P4HA2: variants seen among roughly 807,000 people sequenced by gnomAD.
P4HA2 encodes prolyl 4-hydroxylase subunit alpha-2.
A neutral mutation model predicts 76.9 loss-of-function variants in P4HA2; 46 were observed. The ratio of observed to expected loss-of-function variants is 0.60; its 90% CI spans 0.47 to 0.76. The LOEUF (loss-of-function observed/expected upper bound fraction) is 0.76. Among genes scored for constraint, P4HA2 ranks in the 30% least tolerant of loss-of-function variants. The probability of loss-of-function intolerance (pLI) is 0.00; values close to 1 mark genes in which losing one functional copy is unlikely to be tolerated. For synonymous variants in P4HA2, 243 were observed against 254.0 expected (o/e 0.96, Z 0.41); for missense variants, 583 against 669.4 (o/e 0.87, Z 1.42).
At chr5:132,226,175 C>T (rs1233891708) in intron 1 of P4HA2, among the ~76,000 whole-genome samples, 6 of 152,128 alleles carry the variant, frequency 3.9e-5, no homozygotes, top group Non-Finnish European at 8.8e-5. Context: ...AATTATGGAA[C>T]CTAATGTCAG....
intron 2 of P4HA2, among the ~76,000 whole-genome samples, chr5:132,218,314 C>T (rs1400770802): frequency 1.3e-5 from 2 of 152,198 alleles, no homozygotes; most frequent in Non-Finnish European, 2.9e-5. Flanking sequence ...CCAAGTGCAG[C>T]CTGCACTTCC....
At chr5:132,211,014 G>A (rs1282575608) in intron 5 of P4HA2, among the ~76,000 whole-genome samples, 1 of 144,140 alleles carries the variant, frequency 6.9e-6, no homozygotes, top group Non-Finnish European at 1.6e-5. Flanking sequence ...CAGAGCTCCA[G>A]GGAGCACCTA....
chr5:132,203,388 C>T (rs552078806), intron 10 of P4HA2: 11 of 219,484 alleles, frequency 5.0e-5, no homozygotes, highest in African/African-American at 2.4e-4. Flanking sequence ...GATTATGACA[C>T]AGAACCATGG....
chr5:132,195,192 C>A, intron 13 of P4HA2, 170 bp from the exon 14 acceptor site: 1 of 638,864 alleles, frequency 1.6e-6, no homozygotes, highest in East Asian at 2.7e-5. Context: ...AAAGCACCTA[C>A]CTTTCTGAGG....
At chr5:132,194,843 G>T (rs1254408906) in intron 14 of P4HA2, 83 bp downstream of exon 14, 3 of 933,056 alleles carry the variant, frequency 3.2e-6, no homozygotes, top group Non-Finnish European at 5.3e-6. Flanking sequence ...GGCAGCAGTT[G>T]CCTCCCAGCT....
chr5:132,199,318 G>C (rs1379281987), intron 10 of P4HA2: 1 of 203,732 alleles, frequency 4.9e-6, no homozygotes. Flanking sequence ...AGAGGAAAGT[G>C]AGTAACAAAT....
chr5:132,192,943 C>A lies in P4HA2; in HGVS notation c.*67G>T. The A allele has an allele frequency of 1.0e-6, 1 of 993,862 alleles. No individual in the cohort carries two copies. The highest frequency in any genetic ancestry group is 1.6e-6 in the Non-Finnish European group (1 of 616,488). The allele number at this position is 993,862 out of a possible 1,614,324, so 61.6% of individuals were successfully genotyped here. Reference sequence around the variant, plus strand: ...AGCCTGATAGGAACATACAAAGGAACATACAAAGGTGTCTGTCACGTTGAC... The same window carrying A: ...AGCCTGATAGGAACATACAAAGGAAAATACAAAGGTGTCTGTCACGTTGAC... On this transcript the variant is annotated 3_prime_UTR_variant, in exon 15 of 15. Transcript: ENST00000360568.
At chr5:132,198,226 C>T (rs1750956497) in intron 12 of P4HA2, 95 bp downstream of exon 12, 1 of 1,614,220 alleles carries the variant, frequency 6.2e-7, no homozygotes, top group Non-Finnish European at 8.5e-7. Flanking sequence ...AAAGTAGCCA[C>T]ACGATTCCCC....
At chr5:132,220,067 G>A (rs1561496754) in intron 1 of P4HA2, among the ~76,000 whole-genome samples, 1 of 152,230 alleles carries the variant, frequency 6.6e-6, no homozygotes, top group Non-Finnish European at 1.5e-5. Flanking sequence ...CTGCTGCAGG[G>A]TAGGGCGTAT....
Position 132,213,932 on chromosome 5 carries a change from G to A in P4HA2, c.453C>T (p.Ser151=), listed in dbSNP as rs145618764. 1 of 1,614,026 alleles carries A rather than the reference G, an allele frequency of 6.2e-7. No individual in the cohort carries two copies. Among genetic ancestry groups the A allele is most frequent in the African/African-American group, 1.3e-5 (1 of 74,934 alleles). ...DTYRLDPGTI[S]RGELPGTKYQ... The stretch of plus-strand genomic sequence containing the variant: ...GTGAGTTACCTGGAAGTTCCCCTCT[G>A]GAAATTGTGCCTGGGTCCAGCCTGT... The change falls in exon 5 of 15, where the codon TCC becomes TCT. Residue 151 remains serine, a synonymous_variant. Coordinates refer to ENST00000360568, the MANE Select transcript of P4HA2 (RefSeq NM_001017974.2).
At chr5:132,205,686 C>T (rs1233565870) in intron 8 of P4HA2, among the ~76,000 whole-genome samples, 2 of 152,124 alleles carry the variant, frequency 1.3e-5, no homozygotes. Context: ...GGACACTGTG[C>T]TGCTATGGCA....
In P4HA2 at chr5:132,192,998, C is replaced by T. The variant is rs1296723040; in HGVS notation, c.*12G>A. 1 of 1,580,642 alleles carries T rather than the reference C, an allele frequency of 6.3e-7. No individual in the cohort carries two copies. ...GCTGAAGGACCAGGAAGGGGAAGGA[C>T]AGAAAAGGATGTCAGTCAACTTCTG... On this transcript the variant is annotated 3_prime_UTR_variant, in exon 15 of 15. Coordinates refer to ENST00000360568, the MANE Select transcript of P4HA2 (RefSeq NM_001017974.2).
At chr5:132,204,744 C>T (rs747925945) in intron 8 of P4HA2, among the ~76,000 whole-genome samples, 2 of 152,226 alleles carry the variant, frequency 1.3e-5, no homozygotes, top group Non-Finnish European at 2.9e-5. Flanking sequence ...GGGATCCTTA[C>T]AAGTCAGATG....
rs77028661 is a variant in P4HA2 at position 132,205,830 on chromosome 5, G to A, written c.1081-1678C>T. Among the ~76,000 whole-genome samples the A allele has an allele frequency of 9.3e-3, 1,422 of 152,240 alleles. 28 individuals carry two copies. The highest frequency in any genetic ancestry group is 0.033 in the African/African-American group (1,352 of 41,528). On this transcript the variant is annotated intron_variant, in intron 8 of 14. Transcript: ENST00000360568. The stretch of plus-strand genomic sequence containing the variant: ...ACAGCCAGACCCCATCCAAACATCT[G>A]TGCCTCAGCATTGGCCTGACACCCA...
In P4HA2 at chr5:132,195,393, C is replaced by T. The variant is rs1302195768; in HGVS notation, c.1434+19G>A. ...CTGAGCCTTGCTTCAACCTCTGACC[C>T]ACAAGAATCAGAACTTACCTTCTTA... On this transcript the variant is annotated intron_variant, in intron 13 of 14. Coordinates refer to ENST00000360568, the MANE Select transcript of P4HA2 (RefSeq NM_001017974.2). The T allele has an allele frequency of 3.2e-6, 5 of 1,583,430 alleles. No homozygotes were observed. In the Admixed American group the frequency reaches 5.0e-5, roughly 16 times the overall value.
At chr5:132,218,367 C>T (rs1040990481) in intron 2 of P4HA2, among the ~76,000 whole-genome samples, 178 bp downstream of exon 2, 14 of 152,206 alleles carry the variant, frequency 9.2e-5, no homozygotes, top group African/African-American at 3.4e-4. Context: ...CCCTGAACAT[C>T]CAGATCATTG....
At chr5:132,198,516 A>G in intron 11 of P4HA2, 136 bp from the exon 12 acceptor site, 3 of 832,696 alleles carry the variant, frequency 3.6e-6, no homozygotes, top group Non-Finnish European at 5.9e-6. Flanking sequence ...CCAAAGCTGC[A>G]AAGTAAATTC....
chr5:132,208,063 G>T (rs949251953), intron 7 of P4HA2, among the ~76,000 whole-genome samples, 179 bp from the exon 8 acceptor site: 1 of 151,900 alleles, frequency 6.6e-6, no homozygotes, highest in East Asian at 2.0e-4. Context: ...CCTGTAATCC[G>T]AGAACTCTGG....
At position 132,214,026 on chromosome 5, in the gene P4HA2, C is replaced by T. The variant is rs1011764047; in HGVS notation, c.359G>A (p.Arg120Gln). The change falls in exon 5 of 15, where the codon CGG becomes CAG. Residue 120 changes from arginine to glutamine, a missense_variant. Coordinates refer to ENST00000360568, the MANE Select transcript of P4HA2 (RefSeq NM_001017974.2). ...AGFIANLSVQ[R>Q]QFFPTDEDEI... Reference sequence around the variant, plus strand: ...GTCCTCATCAGTGGGGAAGAACTGCCGCTGCACAGAGAGGTTGGCGATAAA... The same window carrying T: ...GTCCTCATCAGTGGGGAAGAACTGCTGCTGCACAGAGAGGTTGGCGATAAA... 30 of 1,613,974 alleles carry T rather than the reference C, an allele frequency of 1.9e-5. No homozygotes were observed. The East Asian group carries it at 3.1e-4, about 17-fold the overall frequency.
Sources: allele counts gnomAD v4.1 joint callset (sites outside exome capture counted in the v4.1 genomes callset), GRCh38; gene constraint gnomAD v4.1.1; transcripts MANE v1.5; gene names NCBI Gene and HGNC (gene_info 2026-07-23, HGNC 2026-07-21).